The following GALNT8 variants were observed in gnomAD, a reference collection of about 807,000 sequenced individuals.
GALNT8 encodes the protein probable polypeptide N-acetylgalactosaminyltransferase 8.
Under a neutral mutation model 62.7 loss-of-function variants are expected in GALNT8, and 66 were observed. That is an observed-to-expected ratio of 1.05 (90% confidence interval 0.86 to 1.29). The LOEUF (loss-of-function observed/expected upper bound fraction) is 1.29, where lower values mean the gene tolerates loss of function less well. Ranked by LOEUF, GALNT8 falls within the 50% of genes most tolerant of loss-of-function variation. GALNT8 has a pLI of 0.00. For missense variants in GALNT8, 771 were observed against 791.8 expected (o/e 0.97, Z 0.32); for synonymous variants, 288 against 294.3 (o/e 0.98, Z 0.22).
intron 1 of GALNT8, among the ~76,000 whole-genome samples, chr12:4,721,861 T>C (rs980661933): frequency 2.0e-5 from 3 of 152,218 alleles, no homozygotes; most frequent in African/African-American, 7.2e-5. Context: ...GGAGAAACCT[T>C]GGACAATACC....
intron 9 of GALNT8, 146 bp downstream of exon 9, chr12:4,764,193 C>T (rs564078035): frequency 6.1e-6 from 4 of 656,030 alleles, no homozygotes; most frequent in South Asian, 5.3e-5. Flanking sequence ...CAGACCTGCA[C>T]TTGTAACTGA....
chr12:4,761,884 G>A (rs537657742), intron 7 of GALNT8, among the ~76,000 whole-genome samples: 3 of 152,132 alleles, frequency 2.0e-5, no homozygotes, highest in African/African-American at 4.8e-5. Flanking sequence ...TCCCTCCATC[G>A]TAGTGGGTTC....
At chr12:4,748,763 T>C (rs7133984) in intron 6 of GALNT8, among the ~76,000 whole-genome samples, 152,242 of 152,252 alleles carry the variant, frequency 1, 76,116 homozygotes, top group Middle Eastern at 1. Flanking sequence ...TGAAGAATGG[T>C]GTTTTGATAG....
chr12:4,747,160 A>C (rs576947500), intron 6 of GALNT8, among the ~76,000 whole-genome samples: 55 of 152,366 alleles, frequency 3.6e-4, no homozygotes, highest in African/African-American at 1.2e-3. Flanking sequence ...AATAATAATC[A>C]TGTCATAGAG....
At chr12:4,744,435 A>G (rs987629138) in intron 3 of GALNT8, 82 bp from the exon 4 acceptor site, 9 of 926,616 alleles carry the variant, frequency 9.7e-6, no homozygotes, top group African/African-American at 5.0e-5. Context: ...TAGTCCAGCC[A>G]CTAATATATG....
chr12:4,741,625 T>C (rs1210224591), intron 3 of GALNT8, among the ~76,000 whole-genome samples: 1 of 152,130 alleles, frequency 6.6e-6, no homozygotes, highest in African/African-American at 2.4e-5. Context: ...TACGCTATGT[T>C]CCATGGGGTG....
chr12:4,730,493 G>C (rs1351153841), intron 2 of GALNT8, among the ~76,000 whole-genome samples: 3 of 152,100 alleles, frequency 2.0e-5, no homozygotes, highest in Non-Finnish European at 2.9e-5. Flanking sequence ...GCGTTTTCTT[G>C]ACATCTTTGT....
intron 6 of GALNT8, among the ~76,000 whole-genome samples, chr12:4,757,327 T>A (rs1022663477): frequency 2.0e-5 from 3 of 152,262 alleles, no homozygotes; most frequent in Non-Finnish European, 4.4e-5. Flanking sequence ...AGTCACAATG[T>A]AATAATGAAT....
chr12:4,768,408 C>CTTTTTTTTTTTTTTTTTTTT, intron 10 of GALNT8: 1 of 374,178 alleles, frequency 2.7e-6, no homozygotes, highest in East Asian at 7.7e-5. Context: ...TTTTTCATAT[C>CTTTTTTTTTTTTTTTTTTTT]TTTTTTTTGT....
At chr12:4,758,976 A>C (rs779107542) in intron 6 of GALNT8, among the ~76,000 whole-genome samples, 8 of 151,994 alleles carry the variant, frequency 5.3e-5, no homozygotes, top group Non-Finnish European at 1.2e-4. Context: ...GGGTTTCACC[A>C]TGTTGGCCAG....
intron 1 of GALNT8, among the ~76,000 whole-genome samples, chr12:4,724,018 G>A (rs1248100464): frequency 2.1e-5 from 3 of 144,538 alleles, no homozygotes; most frequent in African/African-American, 5.0e-5. Context: ...GCGTGGTGGC[G>A]GGCGCCTGTA....
chr12:4,735,852 G>A (rs959183794), intron 2 of GALNT8, among the ~76,000 whole-genome samples: 5 of 152,122 alleles, frequency 3.3e-5, no homozygotes, highest in African/African-American at 7.2e-5. Flanking sequence ...AGTTCTGTTC[G>A]GAGGAAAGGC....
At chr12:4,758,838 G>A (rs1946358941) in intron 6 of GALNT8, among the ~76,000 whole-genome samples, 3 of 151,384 alleles carry the variant, frequency 2.0e-5, no homozygotes, top group Admixed American at 6.6e-5. Flanking sequence ...GTGCAGTGGC[G>A]CAATCTAGGC....
rs1175883788 is a variant in GALNT8, at chr12:4,749,565, TG to T, written c.1173+3308del. 6.6e-6 allele frequency among the ~76,000 whole-genome samples: 1 copy of T among 152,126 alleles called. No homozygotes were observed. Among genetic ancestry groups the T allele is most frequent in the African/African-American group, 2.4e-5 (1 of 41,442 alleles). On this transcript the variant is annotated intron_variant, in intron 6 of 10. Coordinates refer to ENST00000252318, the MANE Select transcript of GALNT8 (RefSeq NM_017417.2). The surrounding 1 kb of genome is among the most constrained non-coding windows in gnomAD (Gnocchi z 4.1). ...TGTCAAATTCAGTTTGCTAATATTT[TG>T]TTGAGGATTTTTGTGCCAATATTCA...
chr12:4,768,640 A>G (rs1448638430), intron 10 of GALNT8, among the ~76,000 whole-genome samples: 2 of 152,190 alleles, frequency 1.3e-5, no homozygotes, highest in African/African-American at 4.8e-5. Flanking sequence ...GTCCATTTCT[A>G]TGGCCACTAT....
At chr12:4,721,364 A>G (rs889564247) in intron 1 of GALNT8, among the ~76,000 whole-genome samples, 9 of 152,236 alleles carry the variant, frequency 5.9e-5, no homozygotes, top group African/African-American at 2.2e-4. Context: ...AGCGTTCAGC[A>G]TACGGAGGAT....
chr12:4,763,451 C>G, intron 8 of GALNT8, 61 bp downstream of exon 8: 1 of 1,397,704 alleles, frequency 7.2e-7, no homozygotes, highest in Non-Finnish European at 1.0e-6. Context: ...ACAATGCGGC[C>G]TGAATCTCGT....
intron 6 of GALNT8, 113 bp from the exon 7 acceptor site, chr12:4,760,845 G>A (rs1465696541): frequency 7.5e-6 from 6 of 797,138 alleles, no homozygotes; most frequent in African/African-American, 6.9e-5. Flanking sequence ...AGGAGTGGGA[G>A]GACTGAGCTT....
chr12:4,751,679 G>T lies in GALNT8; in HGVS notation c.1173+5421G>T, dbSNP rs190640828. On this transcript the variant is annotated intron_variant, in intron 6 of 10. Coordinates refer to ENST00000252318, the MANE Select transcript of GALNT8 (RefSeq NM_017417.2). The stretch of plus-strand genomic sequence containing the variant: ...AAGACTTGTTTGTGACCTAACATAT[G>T]GTCTGTCCTTGAGAATGATCCATGT... Among the ~76,000 whole-genome samples, 267 of 152,204 alleles carry T rather than the reference G, an allele frequency of 1.8e-3. 1 individual carries two copies. The highest frequency in any genetic ancestry group is 5.4e-3 in the African/African-American group (226 of 41,530).
Sources: allele counts gnomAD v4.1 joint callset (sites outside exome capture counted in the v4.1 genomes callset), GRCh38; gene constraint gnomAD v4.1.1; non-coding constraint Gnocchi (gnomAD v3.1); transcripts MANE v1.5; gene names NCBI Gene and HGNC (gene_info 2026-07-23, HGNC 2026-07-21).